Variants in SIGIRR observed in about 807,000 individuals in gnomAD.
SIGIRR encodes single Ig and TIR domain containing, also known as single Ig IL-1-related receptor.
Under a neutral mutation model 45.6 loss-of-function variants are expected in SIGIRR, and 41 were observed. The observed-to-expected ratio is 0.90, with a 90% CI of 0.70 to 1.17. The LOEUF is 1.17. SIGIRR is among the 50% of genes most tolerant of loss of function. The pLI is 0.00. For synonymous variants in SIGIRR, 298 were observed against 239.0 expected (o/e 1.25, Z -2.28); for missense variants, 599 against 539.6 (o/e 1.11, Z -1.09).
At chr11:409,010 T>C (rs1847475721) in intron 2 of SIGIRR, 117 bp from the exon 3 acceptor site, 2 of 913,468 alleles carry the variant, frequency 2.2e-6, no homozygotes, top group Non-Finnish European at 3.5e-6. Context: ...AGTCACACCA[T>C]GTCTGTCCAC....
Position 414,497 on chromosome 11 carries a change from C to T in SIGIRR, c.-154+326G>A, listed in dbSNP as rs115595941. 7.3e-3 allele frequency among the ~76,000 whole-genome samples: 1,106 copies of T among 152,108 alleles called. 19 individuals are homozygous for T. The highest frequency in any genetic ancestry group is 0.026 in the African/African-American group (1,058 of 41,452). Reference sequence around the variant, plus strand: ...CAGTCTCAGCCCGTGTGCACACTTGCACCTCCTACACAGCACACTTCCTAC... The same window carrying T: ...CAGTCTCAGCCCGTGTGCACACTTGTACCTCCTACACAGCACACTTCCTAC... On this transcript the variant is annotated intron_variant, in intron 1 of 9. Coordinates refer to ENST00000431843, the MANE Select transcript of SIGIRR (RefSeq NM_001135054.2).
At chr11:416,053 G>A (rs963809641), upstream of SIGIRR, among the ~76,000 whole-genome samples, 2 of 152,160 alleles carry the variant, frequency 1.3e-5, no homozygotes, top group Non-Finnish European at 2.9e-5. This position sits in a 1 kb window ranked among gnomAD's most constrained non-coding sequence, Gnocchi z 9.1. Flanking sequence ...GGGTGATGGT[G>A]GGCCTTGGGC....
Position 407,951 on chromosome 11 carries a change from G to A in SIGIRR, c.347C>T (p.Thr116Ile), listed in dbSNP as rs975292365. The change falls in exon 5 of 10, where the codon ACA becomes ATA. Residue 116 changes from threonine to isoleucine, a missense_variant. Transcript: ENST00000431843. The stretch of plus-strand genomic sequence containing the variant: ...GGCCAGCACCGCAGCCACGTGGCTT[G>A]TAGGGCCTGCGGATGGGTTGCCTGA... ...SSFTLQRAGP[T>I]SHVAAVLASL... is the part of the protein sequence containing the mutation. 1 of 1,607,624 alleles carries A rather than the reference G, an allele frequency of 6.2e-7. No individual in the cohort carries two copies. Among genetic ancestry groups the A allele is most frequent in the Non-Finnish European group, 8.5e-7 (1 of 1,177,016 alleles).
Position 405,881 on chromosome 11 carries a change from A to T in SIGIRR, c.*15T>A. On this transcript the variant is annotated 3_prime_UTR_variant, in exon 10 of 10. Coordinates refer to ENST00000431843, the MANE Select transcript of SIGIRR (RefSeq NM_001135054.2). ...GCCCCCGCTGTCCCTATGATCCTGC[A>T]CTCTGGGGTGGGAGCTACATATCAT... The T allele has an allele frequency of 4.4e-6, 7 of 1,582,642 alleles. No homozygotes were observed. Among genetic ancestry groups the T allele is most frequent in the Non-Finnish European group, 6.0e-6 (7 of 1,160,556 alleles).
At chr11:406,166 C>G in intron 9 of SIGIRR, 107 bp from the exon 10 acceptor site, 1 of 1,537,780 alleles carries the variant, frequency 6.5e-7, no homozygotes, top group Non-Finnish European at 8.7e-7. Flanking sequence ...GCCTGTGAGG[C>G]CCAGGAAGTT....
At chr11:409,448 T>A in intron 2 of SIGIRR, 1 of 265,468 alleles carries the variant, frequency 3.8e-6, no homozygotes, top group Non-Finnish European at 7.3e-6. Context: ...CCTCTGCTCC[T>A]GGCCACAGGC....
rs749039265 is a variant in SIGIRR at position 406,958 on chromosome 11, C to A, written c.764G>T (p.Arg255Ile). The A allele has an allele frequency of 6.2e-7, 1 of 1,602,130 alleles. No homozygotes were observed. The highest frequency in any genetic ancestry group is 8.5e-7 in the Non-Finnish European group (1 of 1,177,786). The change falls in exon 8 of 10, where the codon AGA becomes ATA. Residue 255 changes from arginine (R) to isoleucine (I), a missense_variant. By Grantham distance (97) the Arg-to-Ile change is moderately conservative. Coordinates refer to ENST00000431843, the MANE Select transcript of SIGIRR (RefSeq NM_001135054.2). ...GCCCTCGAAGGTGATGAAGATGGGT[C>A]TGCGGGTGAGCTCCAGCAGCCGGCA... Reference protein sequence around the residue: ...GLCRLLELTRRPIFITFEGQR... With the variant: ...GLCRLLELTRIPIFITFEGQR...
chr11:407,366 T>TGGGATGGGGCGGGGAGGGGC (rs1450152511), intron 6 of SIGIRR, 59 bp downstream of exon 6: 1 of 1,213,916 alleles, frequency 8.2e-7, no homozygotes, highest in Non-Finnish European at 1.1e-6. Context: ...GGACGGAGCA[T>TGGGATGGGGCGGGGAGGGGC]GGGGCGGGGC....
At chr11:406,750 G>C in intron 8 of SIGIRR, 93 bp downstream of exon 8, 3 of 1,431,482 alleles carry the variant, frequency 2.1e-6, no homozygotes, top group South Asian at 2.9e-5. Flanking sequence ...TGGTGCCGCA[G>C]AGCTCCCCAC....
Position 414,952 on chromosome 11 carries a change from G to T in SIGIRR, c.-283C>A, listed in dbSNP as rs763664298. On this transcript the variant is annotated 5_prime_UTR_variant, in exon 1 of 10. Coordinates refer to ENST00000431843, the MANE Select transcript of SIGIRR (RefSeq NM_001135054.2). ...GGCTGCTATGGATGCATCGCCAAGC[G>T]CGGTGGGGACCTGGCTTGTGTCTTT... 8.1e-6 allele frequency: 7 copies of T among 868,282 alleles called. No homozygotes were observed. Among genetic ancestry groups the T allele is most frequent in the Non-Finnish European group, 9.7e-6 (7 of 723,220 alleles). 53.8% of individuals were successfully genotyped at this position (868,282 alleles called of 1,614,324 possible). A position where few individuals can be genotyped will look rare whatever the true frequency, so the allele number is the denominator to read the frequency against.
Position 407,427 on chromosome 11 carries a change from G to T in SIGIRR, c.623C>A (p.Ala208Asp), listed in dbSNP as rs1564888543. 6.5e-7 allele frequency: 1 copy of T among 1,545,470 alleles called. No homozygotes were observed. Among genetic ancestry groups the T allele is most frequent in the Non-Finnish European group, 8.7e-7 (1 of 1,144,862 alleles). Reference sequence around the variant, plus strand: ...GCACGGGGTGGGGCCCGGGATACCAGCGCGCGGCAGGAGGTCGCGGTCGTC... The same window carrying T: ...GCACGGGGTGGGGCCCGGGATACCATCGCGCGGCAGGAGGTCGCGGTCGTC... ...FLDDRDLLPR[A>D]EPSADLLVNL... Residue 208 changes from alanine to aspartate, a missense_variant and splice_region_variant, in exon 6 of 10, where the codon GCT (alanine) becomes GAT (aspartate). Transcript: ENST00000431843.
In SIGIRR at chr11:414,954, G is replaced by C. The variant is rs1040462546; in HGVS notation, c.-285C>G. 2.4e-6 allele frequency: 2 copies of C among 848,862 alleles called. No homozygotes were observed. Among genetic ancestry groups the C allele is most frequent in the South Asian group, 1.1e-4 (2 of 18,574 alleles). The allele number at this position is 848,862 out of a possible 1,614,324, so 52.6% of individuals were successfully genotyped here. On this transcript the variant is annotated 5_prime_UTR_variant, in exon 1 of 10. Coordinates refer to ENST00000431843, the MANE Select transcript of SIGIRR (RefSeq NM_001135054.2). ...CTGCTATGGATGCATCGCCAAGCGC[G>C]GTGGGGACCTGGCTTGTGTCTTTGT... is the stretch of plus-strand genomic sequence containing the variant.
Position 406,972 on chromosome 11 carries a change from C to T in SIGIRR, c.750G>A (p.Leu250=), listed in dbSNP as rs1331876609. ...HSFREGLCRL[L]ELTRRPIFIT... ...TGAAGATGGGTCTGCGGGTGAGCTC[C>T]AGCAGCCGGCACAGGCCCTCCCTGC... Residue 250 remains leucine (L), a synonymous_variant, in exon 8 of 10, where the codon CTG becomes CTA. Transcript: ENST00000431843. 1.9e-6 allele frequency: 3 copies of T among 1,600,854 alleles called. No individual in the cohort carries two copies. In the South Asian group the frequency reaches 3.3e-5, roughly 18 times the overall value.
At position 406,840 on chromosome 11, in the gene SIGIRR, C is replaced by T. The variant is rs1267163760; in HGVS notation, c.879+3G>A. 6 of 1,549,010 alleles carry T rather than the reference C, an allele frequency of 3.9e-6. No individual in the cohort carries two copies. In the Admixed American group the frequency reaches 9.6e-5, roughly 25 times the overall value. On this transcript the variant is annotated splice_donor_region_variant and intron_variant, in intron 8 of 9. Coordinates refer to ENST00000431843, the MANE Select transcript of SIGIRR (RefSeq NM_001135054.2). The stretch of plus-strand genomic sequence containing the variant: ...CCCGGACCCTCCCGCGCCTGCTCCG[C>T]ACCACGGAGCCGGGCCTCCAGAGCA...
intron 1 of SIGIRR, 92 bp from the exon 2 acceptor site, chr11:410,119 C>T (rs1412343255): frequency 4.5e-6 from 5 of 1,116,478 alleles, no homozygotes; most frequent in Non-Finnish European, 4.5e-6. Flanking sequence ...TGACCAGATG[C>T]GACCCTGAGC....
rs1023707799 is a variant in SIGIRR at position 407,454 on chromosome 11, A to C, written c.596T>G (p.Leu199Arg). 11 of 1,559,910 alleles carry C rather than the reference A, an allele frequency of 7.1e-6. No individual in the cohort carries two copies. The highest frequency in any genetic ancestry group is 9.5e-6 in the Non-Finnish European group (11 of 1,152,860). Residue 199 changes from leucine (L) to arginine (R), a missense_variant, in exon 6 of 10, where the codon CTG becomes CGG. By Grantham distance (102) the Leu-to-Arg change is moderately radical (BLOSUM62 -2). Coordinates refer to ENST00000431843, the MANE Select transcript of SIGIRR (RefSeq NM_001135054.2). ...LERRRGYKLF[L>R]DDRDLLPRAE... ...GCGCGGCAGGAGGTCGCGGTCGTCC[A>C]GGAAGAGCTTGTAGCCCCGACGCCG...
chr11:408,110 C>A lies in SIGIRR; in HGVS notation c.303G>T (p.Gln101His). The change falls in exon 4 of 10, where the codon CAG becomes CAT. Residue 101 changes from glutamine to histidine, a missense_variant. Physicochemically the swap from Gln to His is conservative, Grantham distance 24 (BLOSUM62 0). Transcript: ENST00000431843. ...EVYGAFTCSI[Q>H]NISFSSFTLQ... ...GAGTGAAGGAGGAGAAGCTGATGTT[C>A]TGGATGGAGCAGGTGAAGGCCCCAT... The A allele has an allele frequency of 6.2e-7, 1 of 1,612,844 alleles. No homozygotes were observed. Among genetic ancestry groups the A allele is most frequent in the Non-Finnish European group, 8.5e-7 (1 of 1,179,976 alleles).
In SIGIRR at chr11:406,984, C is replaced by G. The variant is rs112969716; in HGVS notation, c.738G>C (p.Leu246=). 3.1e-6 allele frequency: 5 copies of G among 1,599,614 alleles called. No individual in the cohort carries two copies. The highest frequency in any genetic ancestry group is 4.2e-6 in the Non-Finnish European group (5 of 1,176,564). The stretch of plus-strand genomic sequence containing the variant: ...TGCGGGTGAGCTCCAGCAGCCGGCA[C>G]AGGCCCTCCCTGCGGGGCGGGACCG... ...AWCSHSFREG[L]CRLLELTRRP... Residue 246 remains leucine (L), a synonymous_variant, in exon 8 of 10, where the codon CTG becomes CTC. Coordinates refer to ENST00000431843, the MANE Select transcript of SIGIRR (RefSeq NM_001135054.2).
In SIGIRR at chr11:409,974, G is replaced by T; in HGVS notation, c.-100C>A. 2 of 1,253,144 alleles carry T rather than the reference G, an allele frequency of 1.6e-6. No individual in the cohort carries two copies. The highest frequency in any genetic ancestry group is 3.5e-5 in the South Asian group (1 of 28,200). 77.6% of individuals were successfully genotyped at this position (1,253,144 alleles called of 1,614,324 possible). A position where few individuals can be genotyped will look rare whatever the true frequency, so the allele number is the denominator to read the frequency against. On this transcript the variant is annotated 5_prime_UTR_variant, in exon 2 of 10. Coordinates refer to ENST00000431843, the MANE Select transcript of SIGIRR (RefSeq NM_001135054.2). ...GCAGACTGATCCAAGAGCTGGGCAG[G>T]ACTCCTCTCTGTCCTTGCAGTCAGC...
Sources: gnomAD v4.1 joint callset for allele counts (sites outside exome capture counted in the v4.1 genomes callset) on GRCh38, gnomAD v4.1.1 for gene constraint, Gnocchi (gnomAD v3.1) non-coding constraint, MANE v1.5 for transcripts, NCBI Gene and HGNC (gene_info 2026-07-23, HGNC 2026-07-21) for gene names.